The following PKN2 variants were observed in gnomAD, a reference collection of about 807,000 sequenced individuals.
The protein encoded by PKN2 is serine/threonine-protein kinase N2.
PKN2 carries 38 observed loss-of-function variants against 119.1 expected under a neutral mutation model. The observed-to-expected ratio is 0.32, with a 90% CI of 0.25 to 0.42. The LOEUF (loss-of-function observed/expected upper bound fraction) is 0.42, where lower values mean the gene tolerates loss of function less well. Among genes scored for constraint, PKN2 ranks in the 10% least tolerant of loss-of-function variants. PKN2 has a pLI of 1.00. For missense variants in PKN2, 850 were observed against 1,165.1 expected, an observed-to-expected ratio of 0.73 and a Z score of 3.94; for synonymous variants, 390 against 384.9, an observed-to-expected ratio of 1.01 and a Z score of -0.15.
At chr1:88,698,508 A>C (rs1271058998) in intron 1 of PKN2, among the ~76,000 whole-genome samples, 1 of 152,222 alleles carries the variant, frequency 6.6e-6, no homozygotes, top group Non-Finnish European at 1.5e-5. Flanking sequence ...GACTTCGCCA[A>C]GTGCTTTGTT....
intron 1 of PKN2, among the ~76,000 whole-genome samples, chr1:88,729,650 G>A (rs1668050292): frequency 6.6e-6 from 1 of 152,174 alleles, no homozygotes; most frequent in Non-Finnish European, 1.5e-5. Context: ...CTCTCTTGAA[G>A]CCTGTACTTG....
At chr1:88,717,840 G>T (rs575898249) in intron 1 of PKN2, among the ~76,000 whole-genome samples, 39 of 152,182 alleles carry the variant, frequency 2.6e-4, no homozygotes, top group Middle Eastern at 3.4e-3. Flanking sequence ...TCTCTTGTTG[G>T]CAAGGAGCTG....
At chr1:88,756,910 T>TTA (rs1253489510) in intron 2 of PKN2, among the ~76,000 whole-genome samples, 2 of 152,196 alleles carry the variant, frequency 1.3e-5, no homozygotes, top group East Asian at 1.9e-4. Context: ...TTTTCACTAT[T>TTA]TAACACATGA....
At chr1:88,810,676 G>A (rs1368072551) in intron 15 of PKN2, among the ~76,000 whole-genome samples, 2 of 151,806 alleles carry the variant, frequency 1.3e-5, no homozygotes, top group African/African-American at 2.4e-5. Flanking sequence ...GAGTGATCTC[G>A]GCTCACTACA....
At chr1:88,800,658 C>T (rs554078738) in intron 8 of PKN2, among the ~76,000 whole-genome samples, 6 of 152,334 alleles carry the variant, frequency 3.9e-5, no homozygotes, top group African/African-American at 1.4e-4. Context: ...CCTCAGTGAA[C>T]ACTTCGAGAA....
chr1:88,723,880 A>AT (rs1486273740), intron 1 of PKN2, among the ~76,000 whole-genome samples: 1 of 152,040 alleles, frequency 6.6e-6, no homozygotes, highest in African/African-American at 2.4e-5. Context: ...CTTATATAAT[A>AT]TTTTGCCTTC....
At chr1:88,751,067 A>C (rs1043700828) in intron 2 of PKN2, among the ~76,000 whole-genome samples, 2 of 152,120 alleles carry the variant, frequency 1.3e-5, no homozygotes, top group African/African-American at 2.4e-5. Flanking sequence ...TGCCTTTCAA[A>C]TGGTCTGGCA....
At position 88,684,732 on chromosome 1, in the gene PKN2, G is replaced by A; in HGVS notation, c.48+104G>A. The A allele has an allele frequency of 4.0e-6, 4 of 1,012,086 alleles. 1 individual carries two copies. In the South Asian group the frequency reaches 5.6e-5, roughly 14 times the overall value. The allele number at this position is 1,012,086 out of a possible 1,614,324, so 62.7% of individuals were successfully genotyped here. A position where few individuals can be genotyped will look rare whatever the true frequency, so the allele number is the denominator to read the frequency against. On this transcript the variant is annotated intron_variant, in intron 1 of 21. Transcript: ENST00000370521. ...AAGCCCTGCGGCCGCCGCGCCCCTA[G>A]CCCGCTAAGTGCGGAAACTCCGGGA... is the stretch of plus-strand genomic sequence containing the variant.
intron 1 of PKN2, among the ~76,000 whole-genome samples, chr1:88,689,239 AAAT>A (rs1247979283): frequency 6.6e-6 from 1 of 152,204 alleles, no homozygotes; most frequent in Non-Finnish European, 1.5e-5. Flanking sequence ...GCACAAAAGA[AAAT>A]AAAAGTTGCT....
Position 88,831,126 on chromosome 1 carries a change from G to A in PKN2, c.2563-1618G>A, listed in dbSNP as rs547112338. On this transcript the variant is annotated intron_variant, in intron 19 of 21. Coordinates refer to ENST00000370521, the MANE Select transcript of PKN2 (RefSeq NM_006256.4). The stretch of plus-strand genomic sequence containing the variant: ...ACCAGAGAGATTGAACAGAATGCTG[G>A]ACATGGTTTTAGATACTGTCAGTGT... Among the ~76,000 whole-genome samples, 29 of 151,938 alleles carry A rather than the reference G, an allele frequency of 1.9e-4. No homozygotes were observed. In the South Asian group the frequency reaches 5.6e-3, roughly 29 times the overall value.
chr1:88,758,373 C>CG (rs1669300826), intron 2 of PKN2, among the ~76,000 whole-genome samples: 1 of 150,674 alleles, frequency 6.6e-6, no homozygotes, highest in Non-Finnish European at 1.5e-5. Flanking sequence ...ACATATTATG[C>CG]TTTTTTTTTA....
At chr1:88,747,168 A>G (rs899703005) in intron 2 of PKN2, among the ~76,000 whole-genome samples, 3 of 152,144 alleles carry the variant, frequency 2.0e-5, no homozygotes, top group Non-Finnish European at 2.9e-5. Context: ...TTAGTTAGAC[A>G]GGAGGAATAA....
intron 1 of PKN2, among the ~76,000 whole-genome samples, chr1:88,727,334 GT>G (rs112058220): frequency 0.04 from 6,047 of 151,906 alleles, 278 homozygotes; most frequent in African/African-American, 0.1. Context: ...TAACATATGG[GT>G]TTTTGTTTTT....
At chr1:88,772,008 G>T in intron 6 of PKN2, 129 bp downstream of exon 6, 1 of 639,432 alleles carries the variant, frequency 1.6e-6, no homozygotes. Flanking sequence ...AATAAAATTT[G>T]TTGTATTAAC....
chr1:88,700,099 A>G (rs775245516), intron 1 of PKN2, among the ~76,000 whole-genome samples: 2 of 151,652 alleles, frequency 1.3e-5, no homozygotes, highest in African/African-American at 4.8e-5. Context: ...ATTCCTTTTC[A>G]TGGCTGCATA....
chr1:88,786,247 T>C, intron 8 of PKN2, 34 bp downstream of exon 8: 1 of 1,055,178 alleles, frequency 9.5e-7, no homozygotes, highest in Admixed American at 2.0e-5. Flanking sequence ...GAATTTTAAT[T>C]ATAATTCATT....
chr1:88,796,304 A>G lies in PKN2; in HGVS notation c.1282-8087A>G, dbSNP rs1226414169. On this transcript the variant is annotated intron_variant, in intron 8 of 21. Transcript: ENST00000370521. ...AAAGTTTCAGATTTTGTAGCTTTTC[A>G]GGTTAGGGATACTCAGCCTGTACTG... Among the ~76,000 whole-genome samples the G allele has an allele frequency of 2.0e-5, 3 of 152,154 alleles. No homozygotes were observed. In the East Asian group the frequency reaches 5.8e-4, roughly 29 times the overall value.
At chr1:88,829,709 C>T (rs1393634840) in intron 19 of PKN2, among the ~76,000 whole-genome samples, 1 of 152,072 alleles carries the variant, frequency 6.6e-6, no homozygotes, top group Non-Finnish European at 1.5e-5. Context: ...GGGACTTGAA[C>T]TGGAGATGCA....
chr1:88,730,082 G>A (rs1244416649), intron 1 of PKN2, among the ~76,000 whole-genome samples: 1 of 151,734 alleles, frequency 6.6e-6, no homozygotes, highest in Non-Finnish European at 1.5e-5. Flanking sequence ...GGAGAATGAC[G>A]TAAACCCGGG....
Sources: allele counts gnomAD v4.1 joint callset (sites outside exome capture counted in the v4.1 genomes callset), GRCh38; gene constraint gnomAD v4.1.1; transcripts MANE v1.5; gene names NCBI Gene and HGNC (gene_info 2026-07-23, HGNC 2026-07-21).